KCNN2: variants seen among roughly 807,000 people sequenced by gnomAD.
KCNN2 encodes the protein potassium calcium-activated channel subfamily N member 2.
KCNN2 carries 24 observed loss-of-function variants against 55.5 expected under a neutral mutation model. The ratio of observed to expected loss-of-function variants is 0.43; its 90% CI spans 0.31 to 0.61. KCNN2 has a LOEUF of 0.61. KCNN2 is among the 20% of genes least tolerant of loss of function. The pLI is 0.08. For missense variants in KCNN2, 754 were observed against 853.6 expected (o/e 0.88, Z 1.45); for synonymous variants, 431 against 336.1 (o/e 1.28, Z -3.09).
intron 2 of KCNN2, among the ~76,000 whole-genome samples, chr5:114,292,870 G>A (rs1008929728): frequency 2.0e-5 from 3 of 152,148 alleles, no homozygotes; most frequent in Non-Finnish European, 2.9e-5. Flanking sequence ...AATTCATTGA[G>A]CAGTGGTTTG....
At chr5:114,141,598 G>A (rs1398555400) in intron 1 of KCNN2, among the ~76,000 whole-genome samples, 1 of 152,160 alleles carries the variant, frequency 6.6e-6, no homozygotes, top group Non-Finnish European at 1.5e-5. Flanking sequence ...ACATATGTGT[G>A]AATGTTTCTT....
intron 3 of KCNN2, among the ~76,000 whole-genome samples, chr5:114,408,845 C>T (rs1248530497): frequency 6.6e-6 from 1 of 152,168 alleles, no homozygotes; most frequent in Admixed American, 6.5e-5. Flanking sequence ...CAAGCTGTGC[C>T]ACATTCGCTT....
intron 2 of KCNN2, among the ~76,000 whole-genome samples, chr5:114,382,822 A>G (rs1758166515): frequency 6.6e-6 from 1 of 152,200 alleles, no homozygotes; most frequent in Non-Finnish European, 1.5e-5. Flanking sequence ...AAGGATTAGC[A>G]GCTTGCTTCA....
At chr5:114,374,447 G>T (rs773428126) in intron 2 of KCNN2, among the ~76,000 whole-genome samples, 2 of 152,026 alleles carry the variant, frequency 1.3e-5, no homozygotes, top group Non-Finnish European at 2.9e-5. Flanking sequence ...TCTTTTTCTG[G>T]ACTGGGTTTA....
At chr5:114,491,533 GA>G (rs1289351712) in intron 6 of KCNN2, among the ~76,000 whole-genome samples, 2,021 of 91,694 alleles carry the variant, frequency 0.022, 13 homozygotes, top group Middle Eastern at 0.053. Flanking sequence ...TTTAAAAAAA[GA>G]AAAAAAAAAA....
In KCNN2 at chr5:114,078,574, G is replaced by T. The variant is rs73258337; in HGVS notation, c.-271+22074G>T. 3.8e-3 allele frequency among the ~76,000 whole-genome samples: 575 copies of T among 152,274 alleles called. 4 individuals are homozygous for T. Among genetic ancestry groups the T allele is most frequent in the African/African-American group, 0.012 (514 of 41,548 alleles). On this transcript the variant is annotated intron_variant, in intron 1 of 10. Transcript: ENST00000512097. ...AACCTTCTCTGAAACTGGAGCAGAA[G>T]GATAAATCAGTTCCTATGGGGGTGG...
intron 1 of KCNN2, among the ~76,000 whole-genome samples, chr5:114,193,168 A>G (rs1024004908): frequency 1.3e-5 from 2 of 151,990 alleles, no homozygotes; most frequent in Non-Finnish European, 2.9e-5. Flanking sequence ...TTCCCCCTTC[A>G]TCCAGCTCTT....
intron 2 of KCNN2, among the ~76,000 whole-genome samples, chr5:114,341,065 A>T (rs1757007096): frequency 6.6e-6 from 1 of 152,196 alleles, no homozygotes; most frequent in African/African-American, 2.4e-5. Context: ...TGTATATACC[A>T]CATTTTCTTT....
chr5:114,409,055 G>C (rs1196640497), intron 3 of KCNN2, among the ~76,000 whole-genome samples: 1 of 152,180 alleles, frequency 6.6e-6, no homozygotes, highest in African/African-American at 2.4e-5. Context: ...ACTCTGGATT[G>C]GGACACTGGG....
At chr5:114,136,100 A>C (rs1307375510) in intron 1 of KCNN2, among the ~76,000 whole-genome samples, 2 of 152,186 alleles carry the variant, frequency 1.3e-5, no homozygotes, top group East Asian at 1.9e-4. Flanking sequence ...ATGAAAATAG[A>C]CTCAAACCAA....
At chr5:114,100,232 A>T (rs1751345984) in intron 1 of KCNN2, among the ~76,000 whole-genome samples, 1 of 152,192 alleles carries the variant, frequency 6.6e-6, no homozygotes, top group African/African-American at 2.4e-5. Context: ...ATGACCCAAA[A>T]TATACAGCAA....
At position 114,095,430 on chromosome 5, in the gene KCNN2, G is replaced by A. The variant is rs575519045; in HGVS notation, c.-271+38930G>A. Among the ~76,000 whole-genome samples the A allele has an allele frequency of 7.9e-5, 12 of 152,244 alleles. 1 individual carries two copies. The highest frequency in any genetic ancestry group is 6.5e-4 in the Admixed American group (10 of 15,274). On this transcript the variant is annotated intron_variant, in intron 1 of 10. Coordinates refer to the KCNN2 transcript ENST00000512097. ...GCTCAGACATCCCTATGAGCCTCAGGAGAAGAAGGTAACTTGGACTTAAAA... is the reference window on the plus strand; with the variant it reads ...GCTCAGACATCCCTATGAGCCTCAGAAGAAGAAGGTAACTTGGACTTAAAA...
chr5:114,408,709 AG>A (rs1388033992), intron 3 of KCNN2, among the ~76,000 whole-genome samples: 1 of 152,220 alleles, frequency 6.6e-6, no homozygotes. Context: ...GGTGGTCTCT[AG>A]TGCATCTGCT....
intron 3 of KCNN2, among the ~76,000 whole-genome samples, chr5:114,457,249 C>T (rs115151066): frequency 6.6e-5 from 10 of 152,228 alleles, no homozygotes; most frequent in African/African-American, 2.4e-4. Flanking sequence ...AGGCAAGACC[C>T]TCCACCAGAA....
chr5:114,112,913 T>C (rs957580000), intron 1 of KCNN2, among the ~76,000 whole-genome samples: 1 of 152,008 alleles, frequency 6.6e-6, no homozygotes, highest in African/African-American at 2.4e-5. Context: ...ATTCCTCTTT[T>C]TGGGTAATTT....
chr5:114,177,310 T>C (rs1753154844), intron 1 of KCNN2, among the ~76,000 whole-genome samples: 1 of 152,080 alleles, frequency 6.6e-6, no homozygotes. Context: ...GCTAATGTTT[T>C]GTATTTTTAG....
At chr5:114,478,965 T>G (rs1220107298) in intron 5 of KCNN2, among the ~76,000 whole-genome samples, 1 of 152,088 alleles carries the variant, frequency 6.6e-6, no homozygotes, top group East Asian at 1.9e-4. Context: ...CATAGACCAC[T>G]GACACTATGA....
intron 1 of KCNN2, among the ~76,000 whole-genome samples, chr5:114,189,093 A>T (rs1281365397): frequency 6.6e-6 from 1 of 151,956 alleles, no homozygotes; most frequent in African/African-American, 2.4e-5. Flanking sequence ...ACATATACTA[A>T]TAACGGCTGT....
rs70976320 is a variant in KCNN2 at position 114,202,601 on chromosome 5, T to TTTTTTTC, written c.-270-18879_-270-18878insTTTTTTC. Among the ~76,000 whole-genome samples, 7 of 141,098 alleles carry TTTTTTTC rather than the reference T, an allele frequency of 5.0e-5. 1 individual carries two copies. Among genetic ancestry groups the TTTTTTTC allele is most frequent in the African/African-American group, 1.9e-4 (7 of 36,122 alleles). 92.6% of individuals were successfully genotyped at this position (141,098 alleles called of 152,430 possible). A position where few individuals can be genotyped will look rare whatever the true frequency, so the allele number is the denominator to read the frequency against. ...TATATATATATTTTTTTTTTTTTTTTCCCGAGACAGAGTCTCGCTCTGTTG... is the reference window on the plus strand; with the variant it reads ...TATATATATATTTTTTTTTTTTTTTTTTTTTTCCCCGAGACAGAGTCTCGCTCTGTTG... On this transcript the variant is annotated intron_variant, in intron 1 of 10. Transcript: ENST00000512097.
Sources: gnomAD v4.1 joint callset for allele counts (sites outside exome capture counted in the v4.1 genomes callset) on GRCh38, gnomAD v4.1.1 for gene constraint, MANE v1.5 for transcripts, NCBI Gene and HGNC (gene_info 2026-07-23, HGNC 2026-07-21) for gene names.